Variants in ITGA2 observed in about 807,000 individuals in gnomAD.
ITGA2 encodes the protein integrin subunit alpha 2.
Under a neutral mutation model 146.3 loss-of-function variants are expected in ITGA2, and 101 were observed. The ratio of observed to expected loss-of-function variants is 0.69; its 90% CI spans 0.59 to 0.81. The LOEUF is 0.81. Among genes scored for constraint, ITGA2 ranks in the 40% least tolerant of loss-of-function variants. ITGA2 has a pLI of 0.00. For missense variants in ITGA2, 1,281 were observed against 1,402.7 expected, an observed-to-expected ratio of 0.91 and a Z score of 1.39; for synonymous variants, 477 against 487.1, an observed-to-expected ratio of 0.98 and a Z score of 0.27.
chr5:53,077,734 C>A (rs534748354), intron 23 of ITGA2, among the ~76,000 whole-genome samples: 3 of 152,076 alleles, frequency 2.0e-5, no homozygotes, highest in South Asian at 4.1e-4. Flanking sequence ...CTCCCTGTGA[C>A]ATATTTTCCT....
Position 53,065,908 on chromosome 5 carries a change from A to G in ITGA2, c.1874A>G (p.Tyr625Cys), listed in dbSNP as rs780340581. 1 of 1,612,238 alleles carries G rather than the reference A, an allele frequency of 6.2e-7. No homozygotes were observed. The highest frequency in any genetic ancestry group is 8.5e-7 in the Non-Finnish European group (1 of 1,178,802). The change falls in exon 15 of 30, where the codon TAT (tyrosine) becomes TGT (cysteine). Residue 625 changes from tyrosine to cysteine, a missense_variant. Around this residue, in one of 3 missense-constraint regions of ITGA2, gnomAD observed 795 missense variants for 841.7 expected, o/e 0.94. Coordinates refer to ENST00000296585, the MANE Select transcript of ITGA2 (RefSeq NM_002203.4). ...TACTTTGGGAGGTCCTTGGATGGCT[A>G]TGGAGATTTAAATGGGGATTCCATC... is the stretch of plus-strand genomic sequence containing the variant. Reference protein sequence around the residue: ...LQYFGRSLDGYGDLNGDSITD... With the variant: ...LQYFGRSLDGCGDLNGDSITD...
rs188839895 is a variant in ITGA2 at position 53,026,916 on chromosome 5, T to G, written c.185+48T>G. 4.0e-5 allele frequency: 62 copies of G among 1,546,996 alleles called. 1 individual carries two copies. The Admixed American group carries it at 6.2e-4, about 16-fold the overall frequency. ...GATTTCAGTAAAAATACAAAATAAA[T>G]TTCATATTTGACTTCAATTGCTTTT... On this transcript the variant is annotated intron_variant, in intron 2 of 29. Transcript: ENST00000296585.
At chr5:53,068,191 T>C (rs553929367) in intron 16 of ITGA2, among the ~76,000 whole-genome samples, 1 of 152,044 alleles carries the variant, frequency 6.6e-6, no homozygotes, top group East Asian at 1.9e-4. Context: ...ACAAATAAGA[T>C]GAGAACACAA....
chr5:53,078,611 C>T (rs994913770), intron 23 of ITGA2, among the ~76,000 whole-genome samples, 161 bp from the exon 24 acceptor site: 3 of 152,090 alleles, frequency 2.0e-5, no homozygotes, highest in African/African-American at 7.2e-5. Context: ...ATACATTGGA[C>T]GATAAGCCCA....
In ITGA2 at chr5:53,078,752, T is replaced by G; in HGVS notation, c.2826-20T>G. Reference sequence around the variant, plus strand: ...CAAAAGCAAACTAAAATATTTGGCTTTACAAACATCATCCAACAGATCTAC... The same window carrying G: ...CAAAAGCAAACTAAAATATTTGGCTGTACAAACATCATCCAACAGATCTAC... On this transcript the variant is annotated intron_variant, in intron 23 of 29. Coordinates refer to ENST00000296585, the MANE Select transcript of ITGA2 (RefSeq NM_002203.4). The G allele has an allele frequency of 7.0e-7, 1 of 1,436,730 alleles. No homozygotes were observed. Among genetic ancestry groups the G allele is most frequent in the Non-Finnish European group, 9.8e-7 (1 of 1,019,450 alleles). 89.0% of individuals were successfully genotyped at this position (1,436,730 alleles called of 1,614,324 possible).
intron 1 of ITGA2, among the ~76,000 whole-genome samples, chr5:52,994,716 G>C (rs1741146818): frequency 6.6e-6 from 1 of 152,124 alleles, no homozygotes; most frequent in Non-Finnish European, 1.5e-5. Context: ...GTATGTCTTG[G>C]TGTCTTTAAA....
In ITGA2 at chr5:53,090,642, C is replaced by T. The variant is rs199705548; in HGVS notation, c.*43C>T. 4 of 1,501,206 alleles carry T rather than the reference C, an allele frequency of 2.7e-6. No homozygotes were observed. Among genetic ancestry groups the T allele is most frequent in the African/African-American group, 1.4e-5 (1 of 72,684 alleles). 93.0% of individuals were successfully genotyped at this position (1,501,206 alleles called of 1,614,324 possible). ...CAGTGGGAACCGGCAGCATCCCAGC[C>T]AGGGTTTGCTGTTTGCGTGAATGGA... On this transcript the variant is annotated 3_prime_UTR_variant, in exon 30 of 30. Coordinates refer to ENST00000296585, the MANE Select transcript of ITGA2 (RefSeq NM_002203.4).
chr5:53,008,987 T>C (rs1208872719), intron 1 of ITGA2, among the ~76,000 whole-genome samples: 1 of 151,982 alleles, frequency 6.6e-6, no homozygotes, highest in South Asian at 2.1e-4. Context: ...CTTTCCCCAC[T>C]CTAGTCTCAT....
chr5:53,012,285 T>C (rs1295991777), intron 1 of ITGA2, among the ~76,000 whole-genome samples: 1 of 152,190 alleles, frequency 6.6e-6, no homozygotes, highest in Non-Finnish European at 1.5e-5. Context: ...TTGTTCCTAA[T>C]ACACATGAGA....
At chr5:52,992,819 G>T (rs147645085) in intron 1 of ITGA2, among the ~76,000 whole-genome samples, 1 of 152,076 alleles carries the variant, frequency 6.6e-6, no homozygotes, top group Non-Finnish European at 1.5e-5. Flanking sequence ...CCAATTTCTT[G>T]GCATGTCATA....
rs1386563294 is a variant in ITGA2 at position 53,055,646 on chromosome 5, T to C, written c.888T>C (p.Ile296=). The change falls in exon 8 of 30, where the codon ATT becomes ATC. Residue 296 remains isoleucine, a synonymous_variant. Coordinates refer to ENST00000296585, the MANE Select transcript of ITGA2 (RefSeq NM_002203.4). Reference sequence around the variant, plus strand: ...ATGGTTCAATGTTGAAAGCTGTGATTGATCAATGCAACCATGACAATATAC... The same window carrying C: ...ATGGTTCAATGTTGAAAGCTGTGATCGATCAATGCAACCATGACAATATAC... ...SHDGSMLKAV[I]DQCNHDNILR... 6 of 1,613,274 alleles carry C rather than the reference T, an allele frequency of 3.7e-6. No homozygotes were observed. The highest frequency in any genetic ancestry group is 5.1e-6 in the Non-Finnish European group (6 of 1,179,496).
In ITGA2 at chr5:53,055,522, A is replaced by AT. The variant is rs753695217; in HGVS notation, c.780-12dup. The AT allele has an allele frequency of 3.1e-6, 5 of 1,611,946 alleles. No homozygotes were observed. Among genetic ancestry groups the AT allele is most frequent in the East Asian group, 2.2e-5 (1 of 44,772 alleles). The stretch of plus-strand genomic sequence containing the variant: ...TATTTTGATAGCAAGTCTTTATTTA[A>AT]TTTTATCTGCCACAGAAAATATGCT... On this transcript the variant is annotated splice_polypyrimidine_tract_variant and intron_variant, in intron 7 of 29. Transcript: ENST00000296585.
chr5:53,086,381 T>C (rs957070723), intron 27 of ITGA2, among the ~76,000 whole-genome samples: 10 of 152,218 alleles, frequency 6.6e-5, no homozygotes, highest in African/African-American at 2.4e-4. Flanking sequence ...TGATGTGATA[T>C]AACAAGCTGA....
At chr5:53,032,173 TA>T (rs141864928) in intron 2 of ITGA2, among the ~76,000 whole-genome samples, 37,753 of 151,772 alleles carry the variant, frequency 0.25, 5,595 homozygotes, top group South Asian at 0.33. Context: ...AAAATAAAAA[TA>T]AAAAAAATCC....
Position 53,073,218 on chromosome 5 carries a change from G to C in ITGA2, c.2530G>C (p.Asp844His), listed in dbSNP as rs375215547. 1.9e-6 allele frequency: 3 copies of C among 1,612,398 alleles called. No homozygotes were observed. In the African/African-American group the frequency reaches 4.0e-5, roughly 22 times the overall value. Residue 844 changes from aspartate (D) to histidine (H), a missense_variant, in exon 20 of 30, where the codon GAT becomes CAT. By Grantham distance (81) the Asp-to-His change is moderately conservative. Transcript: ENST00000296585. The part of the protein sequence containing the change: ...ESAYNTGIVV[D>H]FSENLFFASF... ...TGCATACAACACTGGAATTGTTGTT[G>C]ATTTTTCAGAAAACTTGTTTTTTGC...
intron 1 of ITGA2, among the ~76,000 whole-genome samples, chr5:53,005,738 G>A (rs1030624372): frequency 6.6e-6 from 1 of 152,088 alleles, no homozygotes; most frequent in Non-Finnish European, 1.5e-5. Flanking sequence ...TGGGTTGAGA[G>A]TTTTATATGC....
At chr5:53,069,223 G>A (rs1745277565) in intron 16 of ITGA2, among the ~76,000 whole-genome samples, 1 of 151,856 alleles carries the variant, frequency 6.6e-6, no homozygotes, top group African/African-American at 2.4e-5. Context: ...TGGACACACG[G>A]CCAGTGGACT....
At chr5:53,048,549 G>A in intron 5 of ITGA2, 72 bp downstream of exon 5, 1 of 1,606,846 alleles carries the variant, frequency 6.2e-7, no homozygotes, top group Non-Finnish European at 8.5e-7. Flanking sequence ...TTATCAACTA[G>A]TGGCACCCAA....
intron 9 of ITGA2, 139 bp from the exon 10 acceptor site, chr5:53,057,886 T>C: frequency 3.0e-6 from 2 of 674,046 alleles, no homozygotes. Context: ...GCAAGCTCTG[T>C]ATTTTTGGGT....
Sources: allele counts gnomAD v4.1 joint callset (sites outside exome capture counted in the v4.1 genomes callset), GRCh38; gene constraint gnomAD v4.1.1; regional missense constraint gnomAD v4.1.1; transcripts MANE v1.5; gene names NCBI Gene and HGNC (gene_info 2026-07-23, HGNC 2026-07-21).